Variants in RNF150 observed in about 807,000 individuals in gnomAD.
RNF150 encodes ring finger protein 150.
A neutral mutation model predicts 39.3 loss-of-function variants in RNF150; 24 were observed. The observed-to-expected ratio is 0.61, with a 90% CI of 0.44 to 0.86. The LOEUF is 0.86. Among genes scored for constraint, RNF150 ranks in the 40% least tolerant of loss-of-function variants. The pLI, the probability that RNF150 is intolerant of heterozygous loss-of-function variation, is 0.00. For synonymous variants in RNF150, 255 were observed against 227.3 expected (o/e 1.12, Z -1.10); for missense variants, 502 against 587.8 (o/e 0.85, Z 1.51).
intron 1 of RNF150, among the ~76,000 whole-genome samples, chr4:141,167,131 G>T (rs930624593): frequency 3.3e-5 from 5 of 152,064 alleles, no homozygotes; most frequent in African/African-American, 7.2e-5. Flanking sequence ...AAAATCAAAA[G>T]CATTCATATA....
intron 2 of RNF150, among the ~76,000 whole-genome samples, chr4:140,961,940 C>T (rs1733042684): frequency 6.6e-6 from 1 of 152,064 alleles, no homozygotes; most frequent in African/African-American, 2.4e-5. Context: ...CATTACTCAA[C>T]TAATTCAAGC....
At chr4:140,958,038 T>G (rs1276547969) in intron 2 of RNF150, among the ~76,000 whole-genome samples, 1 of 151,976 alleles carries the variant, frequency 6.6e-6, no homozygotes. Flanking sequence ...AAACTTAAAG[T>G]ATAATAATTT....
At chr4:141,011,881 G>A (rs889258244) in intron 1 of RNF150, among the ~76,000 whole-genome samples, 5 of 152,172 alleles carry the variant, frequency 3.3e-5, no homozygotes, top group Admixed American at 3.3e-4. Flanking sequence ...AGATTCACAT[G>A]CACAAAAATC....
At chr4:141,182,066 C>T (rs1180317632) in intron 1 of RNF150, among the ~76,000 whole-genome samples, 1 of 151,840 alleles carries the variant, frequency 6.6e-6, no homozygotes, top group Admixed American at 6.6e-5. Context: ...TAAACAGAGC[C>T]AAAGACAAAA....
intron 1 of RNF150, among the ~76,000 whole-genome samples, chr4:141,109,678 A>G (rs767398586): frequency 1.1e-4 from 17 of 152,186 alleles, no homozygotes; most frequent in Non-Finnish European, 2.9e-5. Flanking sequence ...AAGCAAAAAC[A>G]GGCTGATTTC....
intron 1 of RNF150, among the ~76,000 whole-genome samples, chr4:141,024,457 G>A (rs1735615491): frequency 6.6e-6 from 1 of 152,102 alleles, no homozygotes; most frequent in Non-Finnish European, 1.5e-5. Context: ...GAAAGCAGAA[G>A]CAAGTACAAA....
intron 1 of RNF150, among the ~76,000 whole-genome samples, chr4:141,064,016 T>G (rs1399114464): frequency 1.4e-5 from 2 of 147,350 alleles, no homozygotes. Context: ...AAAGGACTGA[T>G]GGCTTCATAA....
chr4:141,042,343 C>T (rs947565685), intron 1 of RNF150, among the ~76,000 whole-genome samples: 4 of 152,038 alleles, frequency 2.6e-5, no homozygotes, highest in Non-Finnish European at 2.9e-5. Context: ...GGCAAATCAA[C>T]TTTCCAGGTC....
At chr4:140,927,066 C>CACAAGG (rs1731427251) in intron 4 of RNF150, among the ~76,000 whole-genome samples, 1 of 152,172 alleles carries the variant, frequency 6.6e-6, no homozygotes, top group Non-Finnish European at 1.5e-5. Context: ...GTTCCAAAAA[C>CACAAGG]CTCATTTGCC....
In RNF150 at chr4:140,864,493, G is replaced by C. The variant is rs1275521129; in HGVS notation, c.*3768C>G. Reference sequence around the variant, plus strand: ...GACTTGGAGTAAAATGCTGGCTGTTGGAGGTGGTCATAATTCACCAAGTAG... The same window carrying C: ...GACTTGGAGTAAAATGCTGGCTGTTCGAGGTGGTCATAATTCACCAAGTAG... On this transcript the variant is annotated 3_prime_UTR_variant, in exon 7 of 7. Transcript: ENST00000515673. 2 of 152,188 alleles carry C rather than the reference G, an allele frequency of 1.3e-5. No homozygotes were observed. The highest frequency in any genetic ancestry group is 2.9e-5 in the Non-Finnish European group (2 of 68,046). The allele number at this position is 152,188 out of a possible 1,614,324, so 9.4% of individuals were successfully genotyped here.
intron 1 of RNF150, among the ~76,000 whole-genome samples, chr4:141,181,389 A>C (rs992970119): frequency 1.3e-5 from 2 of 152,232 alleles, no homozygotes; most frequent in African/African-American, 4.8e-5. Context: ...TGGTTGAATA[A>C]ATTGATTGAC....
chr4:140,943,488 A>C (rs113064445), intron 4 of RNF150, among the ~76,000 whole-genome samples: 1 of 152,230 alleles, frequency 6.6e-6, no homozygotes, highest in African/African-American at 2.4e-5. Flanking sequence ...AATACAAACC[A>C]TTGTTAGAAG....
In RNF150 at chr4:140,876,835, T is replaced by C. The variant is rs76793599; in HGVS notation, c.1199-8456A>G. 5.9e-5 allele frequency among the ~76,000 whole-genome samples: 9 copies of C among 152,360 alleles called. No homozygotes were observed. In the East Asian group the frequency reaches 1.7e-3, roughly 29 times the overall value. On this transcript the variant is annotated intron_variant, in intron 6 of 6. Transcript: ENST00000515673. Reference sequence around the variant, plus strand: ...CACATTTGGAAACCCAGCAGGCTTATGATACAAATTCATCCATTTGGCCAA... The same window carrying C: ...CACATTTGGAAACCCAGCAGGCTTACGATACAAATTCATCCATTTGGCCAA...
At chr4:141,097,565 A>G (rs1738841588) in intron 1 of RNF150, among the ~76,000 whole-genome samples, 1 of 152,052 alleles carries the variant, frequency 6.6e-6, no homozygotes, top group African/African-American at 2.4e-5. Context: ...TTTTGATTCC[A>G]TGAGAGAGAA....
intron 1 of RNF150, among the ~76,000 whole-genome samples, chr4:141,092,343 CA>C (rs34129355): frequency 0.32 from 43,182 of 136,570 alleles, 6,459 homozygotes; most frequent in African/African-American, 0.39. Flanking sequence ...ACTCCCTGTA[CA>C]AAAAAAAAAA....
chr4:140,946,948 A>G (rs1472992939), intron 4 of RNF150, among the ~76,000 whole-genome samples: 20 of 152,328 alleles, frequency 1.3e-4, no homozygotes, highest in Non-Finnish European at 1.0e-4. Flanking sequence ...TGGATTTTAC[A>G]TGACTTTAAA....
At position 141,082,596 on chromosome 4, in the gene RNF150, A is replaced by AT. The variant is rs10708784; in HGVS notation, c.484+49728dup. 1.0e-3 allele frequency among the ~76,000 whole-genome samples: 152 copies of AT among 150,040 alleles called. 1 individual carries two copies. Among genetic ancestry groups the AT allele is most frequent in the African/African-American group, 2.6e-3 (107 of 40,904 alleles). ...GATGAAATTATTTTTTTTATTTTTT[A>AT]TTTTTTTTTTGAGACGGAGTCTCGC... On this transcript the variant is annotated intron_variant, in intron 1 of 6. Coordinates refer to ENST00000515673, the MANE Select transcript of RNF150 (RefSeq NM_020724.2).
intron 1 of RNF150, among the ~76,000 whole-genome samples, chr4:141,198,629 A>C (rs528092147): frequency 1.3e-5 from 2 of 152,358 alleles, no homozygotes; most frequent in South Asian, 4.1e-4. Flanking sequence ...ACCAGGACTA[A>C]ACAGAAGTAT....
At chr4:141,086,369 A>G (rs1738367816) in intron 1 of RNF150, among the ~76,000 whole-genome samples, 1 of 152,168 alleles carries the variant, frequency 6.6e-6, no homozygotes, top group Non-Finnish European at 1.5e-5. Context: ...TAGCACAATC[A>G]TGATTGGAGC....
Sources: gnomAD v4.1 joint callset for allele counts (sites outside exome capture counted in the v4.1 genomes callset) on GRCh38, gnomAD v4.1.1 for gene constraint, MANE v1.5 for transcripts, NCBI Gene and HGNC (gene_info 2026-07-23, HGNC 2026-07-21) for gene names.